Variants in FXYD6 observed in about 807,000 individuals in gnomAD.
FXYD6 encodes the protein FXYD domain-containing ion transport regulator 6.
A neutral mutation model predicts 16.7 loss-of-function variants in FXYD6; 7 were observed. That is an observed-to-expected ratio of 0.42 (90% CI 0.24 to 0.79). The LOEUF is 0.79. Ranked by LOEUF, FXYD6 falls within the 30% of genes least tolerant of loss-of-function variation. The pLI is 0.28. For synonymous variants in FXYD6, 49 were observed against 43.0 expected (o/e 1.14, Z -0.54); for missense variants, 111 against 116.2 (o/e 0.95, Z 0.21).
Position 117,840,352 on chromosome 11 carries a change from C to G in FXYD6, c.226G>C (p.Glu76Gln). The stretch of plus-strand genomic sequence containing the variant: ...GTGATGAGGTTCTCCACCTGGGCTT[C>G]CTCATCTCCTGGGGCCCTGCAGGAG... ...NQKPRAPGDE[E>Q]AQVENLITAN... The change falls in exon 6 of 8, where the codon GAA becomes CAA. Residue 76 changes from glutamate (E) to glutamine (Q), a missense_variant. Physicochemically the swap from Glu to Gln is conservative, Grantham distance 29. Coordinates refer to ENST00000526014, the MANE Select transcript of FXYD6 (RefSeq NM_022003.4). The G allele has an allele frequency of 6.2e-7, 1 of 1,614,160 alleles. No homozygotes were observed. The highest frequency in any genetic ancestry group is 8.5e-7 in the Non-Finnish European group (1 of 1,180,016).
chr11:117,849,077 A>G (rs181927539), intron 1 of FXYD6, among the ~76,000 whole-genome samples: 20 of 152,300 alleles, frequency 1.3e-4, no homozygotes, highest in Non-Finnish European at 1.5e-5. Context: ...TTTCCAATAT[A>G]AGCATTTAAG....
chr11:117,840,405 C>T lies in FXYD6; in HGVS notation c.210-37G>A, dbSNP rs748096826. ...AGAGACACACAGCCCCATCAGAGAT[C>T]TCCAGGGCAGACCCAGAGAGCATCG... On this transcript the variant is annotated intron_variant, in intron 5 of 7. Coordinates refer to ENST00000526014, the MANE Select transcript of FXYD6 (RefSeq NM_022003.4). 12 of 1,613,928 alleles carry T rather than the reference C, an allele frequency of 7.4e-6. No individual in the cohort carries two copies. In the East Asian group the frequency reaches 2.7e-4, roughly 36 times the overall value.
At chr11:117,868,092 G>A (rs147476878) in intron 1 of FXYD6, among the ~76,000 whole-genome samples, 63 of 152,312 alleles carry the variant, frequency 4.1e-4, no homozygotes, top group African/African-American at 1.3e-3. Flanking sequence ...CTAATTTGGC[G>A]CATAGCACAT....
chr11:117,843,759 G>C (rs1033834298), intron 1 of FXYD6: 2 of 152,200 alleles, frequency 1.3e-5, no homozygotes, highest in Non-Finnish European at 2.9e-5. Flanking sequence ...CTGGTTCCAC[G>C]AGCCTCAGCA....
upstream of FXYD6, chr11:117,877,239 C>G (rs1008088485): frequency 3.3e-5 from 5 of 152,240 alleles, no homozygotes; most frequent in Admixed American, 2.6e-4. Context: ...GGAGCCAGCT[C>G]CAGTTGTAGT....
At chr11:117,867,549 T>G (rs1247184082) in intron 1 of FXYD6, among the ~76,000 whole-genome samples, 3 of 152,170 alleles carry the variant, frequency 2.0e-5, no homozygotes, top group Non-Finnish European at 4.4e-5. Context: ...TCTGAATACC[T>G]CCCTCCCAAA....
chr11:117,864,733 C>T (rs1365262029), intron 1 of FXYD6, among the ~76,000 whole-genome samples: 1 of 152,098 alleles, frequency 6.6e-6, no homozygotes, highest in Non-Finnish European at 1.5e-5. Context: ...ATTACAGGCA[C>T]CTGCTACCAC....
intron 5 of FXYD6, 121 bp from the exon 6 acceptor site, chr11:117,840,489 G>A: frequency 7.5e-7 from 1 of 1,336,858 alleles, no homozygotes; most frequent in South Asian, 1.2e-5. Flanking sequence ...TGCCCTGAGG[G>A]GCTGGAGCTC....
chr11:117,840,004 G>T, intron 6 of FXYD6, 174 bp from the exon 7 acceptor site: 1 of 797,582 alleles, frequency 1.3e-6, no homozygotes, highest in Non-Finnish European at 2.0e-6. Context: ...CTGCTTACAG[G>T]AACCTGGTAA....
intron 1 of FXYD6, among the ~76,000 whole-genome samples, chr11:117,868,705 C>T (rs1358535887): frequency 6.6e-6 from 1 of 152,144 alleles, no homozygotes; most frequent in Non-Finnish European, 1.5e-5. Context: ...AAATGTACCA[C>T]CCTAATGTAA....
At chr11:117,856,187 T>G (rs536266852) in intron 1 of FXYD6, among the ~76,000 whole-genome samples, 1 of 152,284 alleles carries the variant, frequency 6.6e-6, no homozygotes, top group East Asian at 1.9e-4. Context: ...TAATTTCACT[T>G]AATTGCTGGG....
In FXYD6 at chr11:117,873,379, C is replaced by T. The variant is rs533363896; in HGVS notation, c.-6+3213G>A. The stretch of plus-strand genomic sequence containing the variant: ...GTCTAAACCCCACTATTGACAGATG[C>T]GGAAACAAAGGTCTAAAATCCGAAA... On this transcript the variant is annotated intron_variant, in intron 1 of 7. Coordinates refer to ENST00000526014, the MANE Select transcript of FXYD6 (RefSeq NM_022003.4). 5.3e-5 allele frequency among the ~76,000 whole-genome samples: 8 copies of T among 152,334 alleles called. No individual in the cohort carries two copies. The East Asian group carries it at 9.6e-4, about 18-fold the overall frequency.
chr11:117,873,873 C>T (rs1016814281), intron 1 of FXYD6, among the ~76,000 whole-genome samples: 1 of 152,146 alleles, frequency 6.6e-6, no homozygotes, highest in Non-Finnish European at 1.5e-5. Flanking sequence ...GAAGCAGGCT[C>T]CTCGGTTGTA....
At chr11:117,849,705 A>T (rs891726521) in intron 1 of FXYD6, among the ~76,000 whole-genome samples, 1 of 151,908 alleles carries the variant, frequency 6.6e-6, no homozygotes, top group Non-Finnish European at 1.5e-5. Flanking sequence ...TTGTTATTAT[A>T]TTTTATTTTT....
upstream of FXYD6, chr11:117,876,758 G>C (rs957923909): frequency 2.0e-5 from 3 of 152,060 alleles, no homozygotes; most frequent in Non-Finnish European, 2.9e-5. Context: ...GCGGGGGCGG[G>C]GGGGGGGCTC....
intron 7 of FXYD6, chr11:117,838,957 T>G (rs1472231864): frequency 1.3e-5 from 2 of 153,100 alleles, no homozygotes; most frequent in Admixed American, 1.3e-4. Context: ...ATGCCTTACT[T>G]GTATGGGGGG....
chr11:117,838,005 G>C lies in FXYD6; in HGVS notation c.*294C>G. 1.7e-6 allele frequency: 1 copy of C among 599,424 alleles called. No homozygotes were observed. The highest frequency in any genetic ancestry group is 3.0e-6 in the Non-Finnish European group (1 of 334,312). The allele number at this position is 599,424 out of a possible 1,614,324, so 37.1% of individuals were successfully genotyped here. ...CAAACACAATACCATCCACAAACAA[G>C]TAGCCACAAAGACCACAGTTAGCAA... On this transcript the variant is annotated 3_prime_UTR_variant, in exon 8 of 8. Transcript: ENST00000526014.
intron 1 of FXYD6, among the ~76,000 whole-genome samples, chr11:117,846,804 G>A (rs986665144): frequency 3.3e-5 from 5 of 152,152 alleles, no homozygotes; most frequent in African/African-American, 1.2e-4. Flanking sequence ...GGTAAGAGAA[G>A]CTCCCATCTT....
chr11:117,844,061 G>A (rs1201548818), intron 1 of FXYD6: 1 of 152,368 alleles, frequency 6.6e-6, no homozygotes. Context: ...CTGAACCCCT[G>A]GACATCCGTC....
Sources: gnomAD v4.1 joint callset for allele counts (sites outside exome capture counted in the v4.1 genomes callset) on GRCh38, gnomAD v4.1.1 for gene constraint, MANE v1.5 for transcripts, NCBI Gene and HGNC (gene_info 2026-07-23, HGNC 2026-07-21) for gene names.